The following MFSD11 variants were observed in gnomAD, a reference collection of about 807,000 sequenced individuals.
MFSD11 encodes major facilitator superfamily domain containing 11.
In MFSD11, 36 loss-of-function variants were observed where a neutral mutation model predicts 53.5. The ratio of observed to expected loss-of-function variants is 0.67; its 90% CI spans 0.52 to 0.89. The LOEUF (loss-of-function observed/expected upper bound fraction) is 0.89. Among genes scored for constraint, MFSD11 ranks in the 40% least tolerant of loss-of-function variants. MFSD11 has a pLI of 0.00. For missense variants in MFSD11, 530 were observed against 543.9 expected, an observed-to-expected ratio of 0.97 and a Z score of 0.25; for synonymous variants, 186 against 184.9, an observed-to-expected ratio of 1.01 and a Z score of -0.05.
At chr17:76,752,703 G>C (rs2079165631) in intron 7 of MFSD11, among the ~76,000 whole-genome samples, 2 of 152,174 alleles carry the variant, frequency 1.3e-5, no homozygotes, top group Admixed American at 6.5e-5. Context: ...GCCCAAGTCT[G>C]TGATTTGACC....
At chr17:76,755,812 A>ATTTTT (rs552254902) in intron 8 of MFSD11, among the ~76,000 whole-genome samples, 2 of 19,540 alleles carry the variant, frequency 1.0e-4, no homozygotes, top group Non-Finnish European at 1.9e-4. Flanking sequence ...ATATATATAT[A>ATTTTT]TTTTTTTTTT....
chr17:76,790,286 C>G, the MFSD11 span, among the ~76,000 whole-genome samples: 1 of 147,066 alleles, frequency 6.8e-6, no homozygotes, highest in Non-Finnish European at 1.5e-5. Flanking sequence ...AGTCTGGTCT[C>G]AAATTCCTGA....
chr17:76,737,424 G>A, upstream of MFSD11: 1 of 406,784 alleles, frequency 2.5e-6, no homozygotes, highest in East Asian at 3.8e-5. Context: ...TTGGCCCACC[G>A]CGCCCCGCTT....
chr17:76,742,356 T>C, intron 5 of MFSD11, 83 bp downstream of exon 5: 1 of 1,128,864 alleles, frequency 8.9e-7, no homozygotes, highest in South Asian at 1.4e-5. Flanking sequence ...GGTTGACAAT[T>C]TGGATCTTCC....
rs113854431 is a variant in MFSD11 at position 76,777,871 on chromosome 17, G to T, written c.1186-317G>T. Among the ~76,000 whole-genome samples the T allele has an allele frequency of 2.0e-3, 308 of 152,202 alleles. 4 individuals are homozygous for T. The highest frequency in any genetic ancestry group is 7.1e-3 in the African/African-American group (296 of 41,520). On this transcript the variant is annotated intron_variant, in intron 12 of 12. Coordinates refer to ENST00000685175, the MANE Select transcript of MFSD11 (RefSeq NM_001242532.5). The stretch of plus-strand genomic sequence containing the variant: ...TTTTATTTTATTTTGTAGAGATGGG[G>T]TCTTGCTATGTTGTGCAGGCTGGTC...
downstream of MFSD11, among the ~76,000 whole-genome samples, chr17:76,785,715 T>C (rs1166706040): frequency 6.6e-6 from 1 of 152,090 alleles, no homozygotes; most frequent in Non-Finnish European, 1.5e-5. Flanking sequence ...TTGCACAGCA[T>C]TATAATGTAT....
chr17:76,781,988 ATT>A (rs57536397), downstream of MFSD11, among the ~76,000 whole-genome samples: 294 of 137,356 alleles, frequency 2.1e-3, 6 homozygotes, highest in African/African-American at 7.8e-3. Flanking sequence ...TGCCTGGATA[ATT>A]TTTTTTTTTT....
intron 6 of MFSD11, 67 bp downstream of exon 6, chr17:76,743,523 C>T (rs2078281466): frequency 1.0e-6 from 1 of 969,780 alleles, no homozygotes; most frequent in African/African-American, 1.7e-5. Flanking sequence ...ATAGAAATAC[C>T]CATTATTGCT....
chr17:76,791,385 AT>A, the MFSD11 span, among the ~76,000 whole-genome samples: 2 of 148,872 alleles, frequency 1.3e-5, no homozygotes, highest in African/African-American at 5.0e-5. Context: ...TTTTGTTTAC[AT>A]TCTAAGCCTG....
chr17:76,765,020 G>A (rs981368858), intron 8 of MFSD11, among the ~76,000 whole-genome samples: 1 of 152,142 alleles, frequency 6.6e-6, no homozygotes, highest in Non-Finnish European at 1.5e-5. Flanking sequence ...TTTTGATGTA[G>A]TCAATTTGTT....
chr17:76,777,043 G>A (rs1014777757), intron 12 of MFSD11, among the ~76,000 whole-genome samples: 5 of 152,016 alleles, frequency 3.3e-5, no homozygotes, highest in Non-Finnish European at 5.9e-5. Flanking sequence ...CAAGGTGGGC[G>A]GATCACGAGG....
intron 8 of MFSD11, among the ~76,000 whole-genome samples, chr17:76,757,441 G>A (rs2079765005): frequency 6.6e-6 from 1 of 152,168 alleles, no homozygotes; most frequent in Non-Finnish European, 1.5e-5. Context: ...GGCATAGGGA[G>A]AGAGGGAGAA....
Position 76,770,089 on chromosome 17 carries a change from G to A in MFSD11, c.874+218G>A, listed in dbSNP as rs188963003. Among the ~76,000 whole-genome samples, 71 of 147,336 alleles carry A rather than the reference G, an allele frequency of 4.8e-4. No individual in the cohort carries two copies. In the East Asian group the frequency reaches 0.013, roughly 27 times the overall value. ...CTCTGTCGCCGAGGCTAGAGTTGGA[G>A]TGCAGTGGTGCGATCTCAGCTCACT... On this transcript the variant is annotated intron_variant, in intron 10 of 12. Transcript: ENST00000685175.
chr17:76,801,530 T>G, the MFSD11 span, among the ~76,000 whole-genome samples: 1 of 149,902 alleles, frequency 6.7e-6, no homozygotes, highest in Admixed American at 6.7e-5. Flanking sequence ...CACTGCAACT[T>G]CCGCCTCCCA....
At position 76,744,467 on chromosome 17, in the gene MFSD11, G is replaced by C. The variant is rs1434540760; in HGVS notation, c.641+1G>C. 6.2e-7 allele frequency: 1 copy of C among 1,605,454 alleles called. No individual in the cohort carries two copies. The highest frequency in any genetic ancestry group is 2.2e-5 in the East Asian group (1 of 44,836). On this transcript the variant is annotated splice_donor_variant, in intron 7 of 12. Coordinates refer to ENST00000685175, the MANE Select transcript of MFSD11 (RefSeq NM_001242532.5). LOFTEE classifies it high-confidence loss of function. ...ATGACCAGGACATGGAAGTCAACGA[G>C]TAAGATGTTGGAAACATTCTATTTT...
At chr17:76,778,060 G>T in intron 12 of MFSD11, 128 bp from the exon 13 acceptor site, 1 of 812,652 alleles carries the variant, frequency 1.2e-6, no homozygotes, top group Non-Finnish European at 2.0e-6. Flanking sequence ...ATACCTTGAT[G>T]CAGAAAGAAT....
At chr17:76,738,852 C>T in intron 1 of MFSD11, 86 bp from the exon 2 acceptor site, 2 of 1,017,696 alleles carry the variant, frequency 2.0e-6, no homozygotes, top group Admixed American at 1.8e-5. Context: ...ACTTTATTCT[C>T]TTGCTGAGTA....
At chr17:76,750,239 A>G (rs1193715047) in intron 7 of MFSD11, among the ~76,000 whole-genome samples, 1 of 152,202 alleles carries the variant, frequency 6.6e-6, no homozygotes, top group Non-Finnish European at 1.5e-5. Context: ...ATCCAAGTAT[A>G]AAATGAGGGT....
chr17:76,737,403 A>T, upstream of MFSD11: 1 of 464,746 alleles, frequency 2.2e-6, no homozygotes, highest in Non-Finnish European at 3.8e-6. Flanking sequence ...CCCGGAAATG[A>T]AACCTTCTGA....
Sources: allele counts gnomAD v4.1 joint callset (sites outside exome capture counted in the v4.1 genomes callset), GRCh38; gene constraint gnomAD v4.1.1; transcripts MANE v1.5; gene names NCBI Gene and HGNC (gene_info 2026-07-23, HGNC 2026-07-21).